Variants in LMF1 observed in about 807,000 individuals in gnomAD.
LMF1 encodes lipase maturation factor 1.
A neutral mutation model predicts 60.6 loss-of-function variants in LMF1; 68 were observed. That is an observed-to-expected ratio of 1.12 (90% CI 0.92 to 1.37). The LOEUF is 1.37. LMF1 is among the 40% of genes most tolerant of loss of function. LMF1 has a pLI of 0.00. For missense variants in LMF1, 948 were observed against 767.2 expected (o/e 1.24, Z -2.78); for synonymous variants, 418 against 324.7 (o/e 1.29, Z -3.09).
At chr16:934,413 G>A in intron 2 of LMF1, 159 bp from the exon 3 acceptor site, 6 of 826,382 alleles carry the variant, frequency 7.3e-6, no homozygotes. Context: ...TAGGGGAACA[G>A]GAGCCCCTCC....
rs376657106 is a variant in LMF1 at position 871,170 on chromosome 16, G to A, written c.1069C>T (p.Pro357Ser). 2.5e-6 allele frequency: 4 copies of A among 1,592,856 alleles called. No individual in the cohort carries two copies. The African/African-American group carries it at 4.0e-5, about 16-fold the overall frequency. The change falls in exon 7 of 11, where the codon CCC becomes TCC. Residue 357 changes from proline to serine, a missense_variant. Physicochemically the swap from Pro to Ser is moderately conservative, Grantham distance 74. Transcript: ENST00000262301. The stretch of plus-strand genomic sequence containing the variant: ...CAGCTGAGCCACCTACCGAATCTGG[G>A]CTCGGGCCGGGCCCCTCGGATGTCC... ...QRDIRGARPE[P>S]RFGSVVRRAA...
At chr16:870,647 G>A in intron 8 of LMF1, 82 bp downstream of exon 8, 3 of 1,531,642 alleles carry the variant, frequency 2.0e-6, no homozygotes, top group Non-Finnish European at 1.8e-6. Context: ...GGCCTGCACT[G>A]TAACCCCACC....
At chr16:891,819 T>C (rs2070497486) in intron 5 of LMF1, among the ~76,000 whole-genome samples, 2 of 152,232 alleles carry the variant, frequency 1.3e-5, no homozygotes. Flanking sequence ...ACAGCTTTGT[T>C]GGCGAAAGCC....
At chr16:931,670 AAG>A in intron 3 of LMF1, 3 of 1,287,156 alleles carry the variant, frequency 2.3e-6, no homozygotes, top group Non-Finnish European at 3.0e-6. Context: ...TATGTTCTCC[AAG>A]ATCAGGGAAG....
chr16:870,005 GGGCGCTGGCGTT>G lies in LMF1; in HGVS notation c.1282_1293del (p.Asn428_Ala431del). On this transcript the variant is annotated inframe_deletion, in exon 9 of 11. Transcript: ENST00000262301. ...TCGTAGTCCTCCCACATGGCATCGG[GGGCGCTGGCGTT>G]GGAGCTGGCTGTGCCCTGCAGGATC... 3 of 1,613,062 alleles carry G rather than the reference GGGCGCTGGCGTT, an allele frequency of 1.9e-6. No homozygotes were observed. The highest frequency in any genetic ancestry group is 2.5e-6 in the Non-Finnish European group (3 of 1,179,848).
chr16:946,772 A>T lies in LMF1; in HGVS notation c.503+7585T>A, dbSNP rs184699520. Among the ~76,000 whole-genome samples, 32 of 152,238 alleles carry T rather than the reference A, an allele frequency of 2.1e-4. 1 individual carries two copies. The East Asian group carries it at 3.3e-3, about 16-fold the overall frequency. On this transcript the variant is annotated intron_variant, in intron 2 of 10. Transcript: ENST00000262301. ...CATGGATTCCTCTGCCTCTCAAGGG[A>T]CCTCACGTGCCCTGGTGGGCCTGAC...
At chr16:859,040 ATGTCACGGGACGGGTGTGAGTGG>A (rs1567135310) in intron 10 of LMF1, among the ~76,000 whole-genome samples, 75 of 8,072 alleles carry the variant, frequency 9.3e-3, no homozygotes, top group East Asian at 0.026. Context: ...GGTGTGAGTG[ATGTCACGGGACGGGTGTGAGTGG>A]TGTCACGGGA....
In LMF1 at chr16:882,191, G is replaced by A. The variant is rs188741598; in HGVS notation, c.730-2454C>T. On this transcript the variant is annotated intron_variant, in intron 5 of 10. Transcript: ENST00000262301. ...AAAAATGACACTGAGTGATAAAGAC[G>A]GTGACAAATGTAACAGACATGGGGC... Among the ~76,000 whole-genome samples, 5 of 152,302 alleles carry A rather than the reference G, an allele frequency of 3.3e-5. 1 individual carries two copies. The East Asian group carries it at 5.8e-4, about 18-fold the overall frequency.
intron 2 of LMF1, among the ~76,000 whole-genome samples, chr16:952,259 TG>T (rs780430290): frequency 6.6e-6 from 1 of 151,614 alleles, no homozygotes; most frequent in Non-Finnish European, 1.5e-5. Flanking sequence ...AGCCACACAG[TG>T]GGGACCCCCC....
intron 2 of LMF1, among the ~76,000 whole-genome samples, chr16:953,849 A>C (rs71197907): frequency 2.4e-4 from 3 of 12,552 alleles, no homozygotes; most frequent in Admixed American, 7.7e-4. Context: ...ACCCACCCCA[A>C]ACCAGCCTCC....
chr16:877,414 G>A lies in LMF1; in HGVS notation c.897+2156C>T, dbSNP rs533543327. Among the ~76,000 whole-genome samples, 5 of 152,328 alleles carry A rather than the reference G, an allele frequency of 3.3e-5. No homozygotes were observed. In the East Asian group the frequency reaches 9.6e-4, roughly 29 times the overall value. ...GCGGCGCAGGTGGCCTCATGCAGGA[G>A]CACTGCCAGGTGTGAGGGACGGTCA... On this transcript the variant is annotated intron_variant, in intron 6 of 10. Transcript: ENST00000262301.
chr16:885,092 G>A (rs2070267883), intron 5 of LMF1: 1 of 152,220 alleles, frequency 6.6e-6, no homozygotes, highest in African/African-American at 2.4e-5. Flanking sequence ...ATAGCAAAAG[G>A]CCAGGAGAGG....
chr16:938,430 C>T (rs1597034839), intron 2 of LMF1, among the ~76,000 whole-genome samples: 1 of 151,724 alleles, frequency 6.6e-6, no homozygotes, highest in Non-Finnish European at 1.5e-5. Context: ...GGCTGGATGG[C>T]AGCTCGTGGG....
chr16:884,024 G>T (rs1473458777), intron 5 of LMF1: 1 of 151,894 alleles, frequency 6.6e-6, no homozygotes, highest in African/African-American at 2.4e-5. Context: ...ATCCATTTTT[G>T]CTTCATGTCT....
chr16:870,924 C>A lies in LMF1; in HGVS notation c.1079-42G>T, dbSNP rs374903005. The stretch of plus-strand genomic sequence containing the variant: ...ATCTTCCAGGTGGGGCTCCCAGCTG[C>A]CCCGTGGCCTGTCCCTGGGGAGACC... On this transcript the variant is annotated intron_variant, in intron 7 of 10. Coordinates refer to ENST00000262301, the MANE Select transcript of LMF1 (RefSeq NM_022773.4). 39 of 1,559,198 alleles carry A rather than the reference C, an allele frequency of 2.5e-5. No homozygotes were observed. In the African/African-American group the frequency reaches 4.6e-4, roughly 18 times the overall value.
At chr16:920,046 C>T (rs55898206) in intron 3 of LMF1, among the ~76,000 whole-genome samples, 49 of 152,170 alleles carry the variant, frequency 3.2e-4, no homozygotes, top group Non-Finnish European at 5.0e-4. Flanking sequence ...CCTGGCCCGT[C>T]GGCTTAGCCC....
At chr16:935,869 C>A in intron 2 of LMF1, among the ~76,000 whole-genome samples, 1 of 151,862 alleles carries the variant, frequency 6.6e-6, no homozygotes. Flanking sequence ...AAAAGCACAG[C>A]AAAGGCCATG....
At chr16:975,682 C>A (rs571492597), upstream of LMF1, 10 of 400,124 alleles carry the variant, frequency 2.5e-5, no homozygotes, top group East Asian at 7.1e-4. Flanking sequence ...CCACTTTGCC[C>A]CTCGTACCCG....
At chr16:900,519 T>C (rs1263265252) in intron 4 of LMF1, 2 of 152,206 alleles carry the variant, frequency 1.3e-5, no homozygotes, top group Non-Finnish European at 2.9e-5. Context: ...TCTTTTCTTT[T>C]ATTTTTTTGA....
Sources: gnomAD v4.1 joint callset for allele counts (sites outside exome capture counted in the v4.1 genomes callset) on GRCh38, gnomAD v4.1.1 for gene constraint, MANE v1.5 for transcripts, NCBI Gene and HGNC (gene_info 2026-07-23, HGNC 2026-07-21) for gene names.